Variants in LNX1 observed in about 807,000 individuals in gnomAD.
LNX1 encodes E3 ubiquitin-protein ligase LNX.
In LNX1, 54 loss-of-function variants were observed where a neutral mutation model predicts 68.4. The observed-to-expected ratio is 0.79, with a 90% CI of 0.63 to 0.99. The LOEUF (loss-of-function observed/expected upper bound fraction) is 0.99, where lower values mean the gene tolerates loss of function less well. LNX1 is among the 50% of genes least tolerant of loss of function. The probability of loss-of-function intolerance (pLI) is 0.00; values close to 1 mark genes in which losing one functional copy is unlikely to be tolerated. For missense variants in LNX1, 906 were observed against 926.4 expected, an observed-to-expected ratio of 0.98 and a Z score of 0.29; for synonymous variants, 336 against 350.0, an observed-to-expected ratio of 0.96 and a Z score of 0.45.
rs751549248 is a variant in LNX1 at position 53,508,080 on chromosome 4, C to G, written c.528G>C (p.Glu176Asp). 3 of 1,614,136 alleles carry G rather than the reference C, an allele frequency of 1.9e-6. No individual in the cohort carries two copies. The highest frequency in any genetic ancestry group is 2.5e-6 in the Non-Finnish European group (3 of 1,180,038). Residue 176 changes from glutamate (E) to aspartate (D), a missense_variant, in exon 3 of 11, where the codon GAG becomes GAC. By Grantham distance (45) the Glu-to-Asp change is conservative. Transcript: ENST00000263925. ...AAATISLMTD[E>D]PGLDNPAYVS... ...CGTAGGCAGGGTTGTCTAGGCCAGG[C>G]TCGTCTGTCATTAAGGAGATGGTGG...
At chr4:53,631,863 T>G (rs1734287678) in intron 1 of LNX1, among the ~76,000 whole-genome samples, 1 of 147,288 alleles carries the variant, frequency 6.8e-6, no homozygotes, top group South Asian at 2.1e-4. Flanking sequence ...GCCTGAGCCT[T>G]TTTTTTTTTA....
At chr4:53,481,137 C>T (rs899884877) in intron 7 of LNX1, among the ~76,000 whole-genome samples, 4 of 152,102 alleles carry the variant, frequency 2.6e-5, no homozygotes, top group African/African-American at 4.8e-5. Context: ...AAACTGGTGG[C>T]CTGAAGAATG....
rs537965241 is a variant in LNX1, at chr4:53,624,812, T to G, written c.-215+27356A>C. 2.6e-4 allele frequency among the ~76,000 whole-genome samples: 39 copies of G among 152,286 alleles called. 1 individual carries two copies. The highest frequency in any genetic ancestry group is 2.1e-3 in the Admixed American group (32 of 15,294). ...AGGCACACAAAAATTTATTCAATGA[T>G]TAATTAACTAAAATATCCAAACATT... On this transcript the variant is annotated intron_variant, in intron 1 of 2. Coordinates refer to the LNX1 transcript ENST00000507168.
chr4:53,645,216 C>G (rs1734843587), intron 1 of LNX1, among the ~76,000 whole-genome samples: 1 of 152,216 alleles, frequency 6.6e-6, no homozygotes, highest in African/African-American at 2.4e-5. Context: ...AGAGGAAGGG[C>G]TCCTTTGGCA....
intron 2 of LNX1, among the ~76,000 whole-genome samples, chr4:53,539,788 C>T (rs758793252): frequency 2.6e-5 from 4 of 152,172 alleles, no homozygotes; most frequent in South Asian, 2.1e-4. Context: ...AGATATTGCT[C>T]GCTTCATATT....
intron 2 of LNX1, among the ~76,000 whole-genome samples, chr4:53,568,185 C>G (rs1325995475): frequency 4.0e-5 from 6 of 151,850 alleles, no homozygotes; most frequent in Non-Finnish European, 8.8e-5. Flanking sequence ...CGGGCAGAGA[C>G]ACAACCAAAA....
intron 2 of LNX1, among the ~76,000 whole-genome samples, chr4:53,606,873 T>C (rs1475902095): frequency 1.3e-5 from 2 of 152,154 alleles, no homozygotes; most frequent in African/African-American, 4.8e-5. Flanking sequence ...ATTATCTCAA[T>C]AGGTGCAGAA....
At chr4:53,476,251 T>C (rs920528026) in intron 9 of LNX1, among the ~76,000 whole-genome samples, 9 of 152,102 alleles carry the variant, frequency 5.9e-5, no homozygotes, top group African/African-American at 1.2e-4. Context: ...TGAGCCGAGA[T>C]TGCACCACTG....
intron 1 of LNX1, among the ~76,000 whole-genome samples, chr4:53,636,472 G>C (rs1341563425): frequency 6.6e-6 from 1 of 152,044 alleles, no homozygotes; most frequent in African/African-American, 2.4e-5. Flanking sequence ...AAAAAGGAGG[G>C]CTCTGAGGCA....
chr4:53,498,784 G>A lies in LNX1; in HGVS notation c.835C>T (p.Arg279Ter), dbSNP rs767219285. Residue 279 changes from arginine to a stop codon, truncating the protein, a stop_gained, in exon 5 of 11, where the codon CGA (arginine) becomes TGA (stop). Coordinates refer to ENST00000263925, the MANE Select transcript of LNX1 (RefSeq NM_001126328.3). LOFTEE classifies it high-confidence loss of function. ...DGEITSIKIN[R>*]VDPSESLSIR... is the part of the protein sequence containing the mutation. ...GAGAGGCTTTCACTGGGATCTACTC[G>A]ATTGATCTTGATGCTGGTAATTTCA... 9 of 1,613,896 alleles carry A rather than the reference G, an allele frequency of 5.6e-6. No individual in the cohort carries two copies. The highest frequency in any genetic ancestry group is 1.7e-5 in the Admixed American group (1 of 59,988).
chr4:53,469,746 ATGGAT>A (rs1723010251), intron 9 of LNX1, among the ~76,000 whole-genome samples: 1 of 152,254 alleles, frequency 6.6e-6, no homozygotes, highest in Non-Finnish European at 1.5e-5. Context: ...TCTAGAAGAA[ATGGAT>A]AAATTCCTCG....
In LNX1 at chr4:53,634,661, C is replaced by T. The variant is rs76902982; in HGVS notation, c.-215+17507G>A. Reference sequence around the variant, plus strand: ...ATTGGCCAACCTACTTACTACCTCTCATGCAGGAAGGGTGGGCACATGACC... The same window carrying T: ...ATTGGCCAACCTACTTACTACCTCTTATGCAGGAAGGGTGGGCACATGACC... On this transcript the variant is annotated intron_variant, in intron 1 of 2. Coordinates refer to the LNX1 transcript ENST00000507168. 3.3e-3 allele frequency among the ~76,000 whole-genome samples: 507 copies of T among 152,152 alleles called. 7 individuals carry two copies. Among genetic ancestry groups the T allele is most frequent in the African/African-American group, 0.012 (480 of 41,510 alleles).
At chr4:53,629,287 G>A (rs1734184636) in intron 1 of LNX1, among the ~76,000 whole-genome samples, 2 of 152,170 alleles carry the variant, frequency 1.3e-5, no homozygotes. Context: ...ACCCCTGGGT[G>A]CATCCAGGAA....
At chr4:53,610,511 T>C (rs892602984) in intron 2 of LNX1, among the ~76,000 whole-genome samples, 9 of 151,700 alleles carry the variant, frequency 5.9e-5, no homozygotes, top group African/African-American at 2.2e-4. Flanking sequence ...ATCGAGACCA[T>C]CCTGGCTAAC....
chr4:53,520,128 T>C (rs1299670952), intron 2 of LNX1, among the ~76,000 whole-genome samples: 4 of 152,210 alleles, frequency 2.6e-5, no homozygotes, highest in Non-Finnish European at 5.9e-5. Flanking sequence ...CAGTGTGCGC[T>C]CATCTGGTAC....
intron 2 of LNX1, among the ~76,000 whole-genome samples, chr4:53,550,076 A>G (rs553067744): frequency 2.0e-5 from 3 of 151,994 alleles, no homozygotes; most frequent in Admixed American, 6.6e-5. Flanking sequence ...CAAAGGGGGG[A>G]AAAAATAAAA....
chr4:53,574,496 C>T (rs1031280520), intron 1 of LNX1, among the ~76,000 whole-genome samples: 19 of 152,128 alleles, frequency 1.2e-4, no homozygotes, highest in African/African-American at 2.4e-4. Context: ...TTTCTCTTAT[C>T]TTTCTTCCCC....
intron 2 of LNX1, among the ~76,000 whole-genome samples, chr4:53,571,617 C>T (rs1282760928): frequency 1.3e-5 from 2 of 152,136 alleles, no homozygotes; most frequent in Non-Finnish European, 2.9e-5. Context: ...GTTAGTCCAC[C>T]GAGATGTACG....
At chr4:53,518,331 C>A (rs1726947553) in intron 2 of LNX1, among the ~76,000 whole-genome samples, 1 of 152,192 alleles carries the variant, frequency 6.6e-6, no homozygotes, top group South Asian at 2.1e-4. Flanking sequence ...AGTCTCTGCA[C>A]AGTTCCAATT....
Sources: allele counts gnomAD v4.1 joint callset (sites outside exome capture counted in the v4.1 genomes callset), GRCh38; gene constraint gnomAD v4.1.1; transcripts MANE v1.5; gene names NCBI Gene and HGNC (gene_info 2026-07-23, HGNC 2026-07-21).